CSMD3: variants seen among roughly 807,000 people sequenced by gnomAD.
The protein encoded by CSMD3 is CUB and sushi domain-containing protein 3.
In CSMD3, 177 loss-of-function variants were observed where a neutral mutation model predicts 435.2. The ratio of observed to expected loss-of-function variants is 0.41; its 90% confidence interval spans 0.36 to 0.46. The LOEUF is 0.46. Among genes scored for constraint, CSMD3 ranks in the 20% least tolerant of loss-of-function variants. The probability of loss-of-function intolerance (pLI) is 0.34; values close to 1 mark genes in which losing one functional copy is unlikely to be tolerated. For synonymous variants in CSMD3, 1,656 were observed against 1,520.5 expected (o/e 1.09, Z -2.07); for missense variants, 4,265 against 4,504.6 (o/e 0.95, Z 1.52).
chr8:113,406,033 G>T (rs1380670936), intron 1 of CSMD3, among the ~76,000 whole-genome samples: 1 of 151,872 alleles, frequency 6.6e-6, no homozygotes, highest in South Asian at 2.1e-4. Context: ...AAATCATAAG[G>T]ATAAGAGGTG....
chr8:112,383,517 A>T (rs541735084), intron 37 of CSMD3, 50 bp downstream of exon 37: 2 of 1,040,058 alleles, frequency 1.9e-6, no homozygotes, highest in Non-Finnish European at 3.0e-6. Context: ...AATTTTTTTT[A>T]TATTCCTAAT....
intron 25 of CSMD3, among the ~76,000 whole-genome samples, chr8:112,554,026 G>A (rs1827907981): frequency 6.6e-6 from 1 of 151,568 alleles, no homozygotes. Flanking sequence ...GTTTCCTGGG[G>A]GGAAAAAAAA....
At chr8:113,165,665 G>A (rs184089206) in intron 4 of CSMD3, among the ~76,000 whole-genome samples, 46 of 151,918 alleles carry the variant, frequency 3.0e-4, no homozygotes, top group East Asian at 5.8e-4. Context: ...TTACACTATC[G>A]TAACATATAA....
At chr8:113,188,736 T>G (rs780813976) in intron 3 of CSMD3, among the ~76,000 whole-genome samples, 1 of 151,926 alleles carries the variant, frequency 6.6e-6, no homozygotes, top group African/African-American at 2.4e-5. Flanking sequence ...CTTCCATTAA[T>G]AAAATCAAAT....
At chr8:112,804,331 A>T (rs575933546) in intron 12 of CSMD3, among the ~76,000 whole-genome samples, 19 of 148,444 alleles carry the variant, frequency 1.3e-4, no homozygotes, top group South Asian at 4.3e-4. Flanking sequence ...AAAATAAATT[A>T]AAAAAAAAAC....
chr8:112,525,408 A>G (rs969361742), intron 27 of CSMD3, among the ~76,000 whole-genome samples: 4 of 150,256 alleles, frequency 2.7e-5, no homozygotes, highest in Middle Eastern at 3.2e-3. Context: ...ATAAAGTAGA[A>G]GTTTAATCCA....
At chr8:112,667,158 A>T (rs577537400) in intron 16 of CSMD3, among the ~76,000 whole-genome samples, 1 of 152,086 alleles carries the variant, frequency 6.6e-6, no homozygotes, top group Non-Finnish European at 1.5e-5. Context: ...CATTTTGGAG[A>T]TGTGTAAACC....
chr8:113,349,780 A>G (rs1372741526), intron 1 of CSMD3, among the ~76,000 whole-genome samples: 1 of 152,122 alleles, frequency 6.6e-6, no homozygotes, highest in Non-Finnish European at 1.5e-5. Context: ...AAAATCGGTA[A>G]CTTCCAACGA....
In CSMD3 at chr8:112,492,737, C is replaced by T. The variant is rs574542378; in HGVS notation, c.5084-54G>A. ...TTGCTTTAAAATACAGTTGGCACTC[C>T]GTAATACATGGGTTCTGCATCTGTG... On this transcript the variant is annotated intron_variant, in intron 30 of 70. Transcript: ENST00000297405. 1.0e-4 allele frequency: 142 copies of T among 1,366,250 alleles called. No individual in the cohort carries two copies. The African/African-American group carries it at 1.6e-3, about 16-fold the overall frequency. The allele number at this position is 1,366,250 out of a possible 1,614,324, so 84.6% of individuals were successfully genotyped here. A position where few individuals can be genotyped will look rare whatever the true frequency, so the allele number is the denominator to read the frequency against.
chr8:112,460,870 A>G (rs1257899193), intron 32 of CSMD3, among the ~76,000 whole-genome samples: 1 of 152,174 alleles, frequency 6.6e-6, no homozygotes, highest in Non-Finnish European at 1.5e-5. Flanking sequence ...TTATAAAGTT[A>G]TAAGAGAATA....
chr8:112,885,401 A>G (rs1004423651), intron 10 of CSMD3, among the ~76,000 whole-genome samples: 31 of 151,486 alleles, frequency 2.0e-4, no homozygotes, highest in African/African-American at 7.5e-4. Context: ...TTTACGATGA[A>G]CTATATGCTA....
At chr8:112,506,899 A>C in intron 28 of CSMD3, 70 bp from the exon 29 acceptor site, 2 of 1,384,310 alleles carry the variant, frequency 1.4e-6, no homozygotes, top group Non-Finnish European at 2.0e-6. Context: ...AATATTTTTG[A>C]AATCACGTCT....
At chr8:112,459,334 TTG>T (rs768204893) in intron 32 of CSMD3, among the ~76,000 whole-genome samples, 1 of 142,732 alleles carries the variant, frequency 7.0e-6, no homozygotes, top group African/African-American at 2.7e-5. Flanking sequence ...GTGCTCATAA[TTG>T]TGTGTGTGTT....
At chr8:113,172,849 C>A (rs2092290059) in intron 4 of CSMD3, among the ~76,000 whole-genome samples, 2 of 152,178 alleles carry the variant, frequency 1.3e-5, no homozygotes, top group South Asian at 2.1e-4. Context: ...AGAGGAAACA[C>A]AATGTTGGCC....
At chr8:113,160,806 C>T (rs1272013209) in intron 4 of CSMD3, among the ~76,000 whole-genome samples, 1 of 152,014 alleles carries the variant, frequency 6.6e-6, no homozygotes, top group Non-Finnish European at 1.5e-5. Flanking sequence ...TCTACTCCAA[C>T]ATGCCTAATA....
At chr8:112,598,927 C>A (rs1379457625) in intron 22 of CSMD3, among the ~76,000 whole-genome samples, 1 of 151,520 alleles carries the variant, frequency 6.6e-6, no homozygotes, top group South Asian at 2.1e-4. Flanking sequence ...TAGAAGAAAA[C>A]CTAGGCAGTA....
In CSMD3 at chr8:112,913,391, G is replaced by A. The variant is rs898164348; in HGVS notation, c.1633+8236C>T. ...TCTGACAGGAGGTGGAGCTCAAGTGGTAATGCCCACTTGCCCGCTGTTCAC... is the reference window on the plus strand; with the variant it reads ...TCTGACAGGAGGTGGAGCTCAAGTGATAATGCCCACTTGCCCGCTGTTCAC... On this transcript the variant is annotated intron_variant, in intron 10 of 70. Coordinates refer to ENST00000297405, the MANE Select transcript of CSMD3 (RefSeq NM_198123.2). Among the ~76,000 whole-genome samples, 11 of 151,852 alleles carry A rather than the reference G, an allele frequency of 7.2e-5. No homozygotes were observed. The Admixed American group carries it at 7.2e-4, about 10-fold the overall frequency.
At chr8:112,421,801 T>A (rs1397391621) in intron 32 of CSMD3, among the ~76,000 whole-genome samples, 1 of 151,354 alleles carries the variant, frequency 6.6e-6, no homozygotes, top group Non-Finnish European at 1.5e-5. Context: ...TTTAAATGAA[T>A]AAAAAACATT....
At chr8:113,103,171 A>G (rs185848124) in intron 4 of CSMD3, among the ~76,000 whole-genome samples, 1 of 152,290 alleles carries the variant, frequency 6.6e-6, no homozygotes, top group East Asian at 1.9e-4. Flanking sequence ...TAAGAATAAT[A>G]TATTTTCACC....
Sources: allele counts gnomAD v4.1 joint callset (sites outside exome capture counted in the v4.1 genomes callset), GRCh38; gene constraint gnomAD v4.1.1; transcripts MANE v1.5; gene names NCBI Gene and HGNC (gene_info 2026-07-23, HGNC 2026-07-21).